Variants in EHD2 observed in about 807,000 individuals in gnomAD.
The protein encoded by EHD2 is EH domain-containing protein 2.
Under a neutral mutation model 41.0 loss-of-function variants are expected in EHD2, and 27 were observed. That is an observed-to-expected ratio of 0.66 (90% CI 0.49 to 0.91). The LOEUF (loss-of-function observed/expected upper bound fraction) is 0.91, where lower values mean the gene tolerates loss of function less well. Among genes scored for constraint, EHD2 ranks in the 40% least tolerant of loss-of-function variants. The pLI is 0.00. For missense variants in EHD2, 673 were observed against 773.9 expected (o/e 0.87, Z 1.55); for synonymous variants, 342 against 341.0 (o/e 1.00, Z -0.03).
At chr19:47,715,267 C>T (rs1044092322) in intron 1 of EHD2, among the ~76,000 whole-genome samples, 13 of 151,984 alleles carry the variant, frequency 8.6e-5, no homozygotes, top group Admixed American at 4.6e-4. Context: ...CCATTTCTCA[C>T]CCCTCCTCTT....
chr19:47,726,541 CTCCTCT>C (rs1445610910), intron 4 of EHD2, among the ~76,000 whole-genome samples: 3 of 121,816 alleles, frequency 2.5e-5, no homozygotes, highest in African/African-American at 5.4e-5. Context: ...TTTCCTCCTC[CTCCTCT>C]TCTTCTCCCT....
intron 3 of EHD2, 75 bp downstream of exon 3, chr19:47,718,681 A>T: frequency 9.6e-7 from 1 of 1,039,940 alleles, no homozygotes. Flanking sequence ...GGGAGGAGGG[A>T]CTGGGCCCGG....
intron 2 of EHD2, 102 bp downstream of exon 2, chr19:47,717,118 G>C: frequency 6.9e-7 from 1 of 1,456,656 alleles, no homozygotes; most frequent in South Asian, 1.3e-5. Context: ...TGCGATCTCA[G>C]CTCATGGCAA....
At chr19:47,729,765 C>T (rs977716963) in intron 4 of EHD2, 4 of 150,104 alleles carry the variant, frequency 2.7e-5, no homozygotes, top group African/African-American at 7.4e-5. Flanking sequence ...ACTCCTGGAA[C>T]CTTCGGAATT....
At position 47,741,424 on chromosome 19, in the gene EHD2, G is replaced by A. The variant is rs1343842744; in HGVS notation, c.1624G>A (p.Ala542Thr). 29 of 1,517,624 alleles carry A rather than the reference G, an allele frequency of 1.9e-5. No homozygotes were observed. The highest frequency in any genetic ancestry group is 2.2e-5 in the Non-Finnish European group (25 of 1,146,996). The allele number at this position is 1,517,624 out of a possible 1,614,324, so 94.0% of individuals were successfully genotyped here. A position where few individuals can be genotyped will look rare whatever the true frequency, so the allele number is the denominator to read the frequency against. ...CTCCAAGCGACGCCACAAGGGCTCC[G>A]CCGAGTGAGCCGGCCCCCCTCCCAT... ...PPSKRRHKGS[A>T]E The change falls in exon 6 of 6, where the codon GCC becomes ACC. Residue 542 changes from alanine (A) to threonine (T), a missense_variant. Transcript: ENST00000263277. The surrounding 1 kb of genome is among the most constrained non-coding windows in gnomAD (Gnocchi z 4.5).
intron 4 of EHD2, chr19:47,729,470 G>A (rs903539751): frequency 6.6e-6 from 1 of 152,492 alleles, no homozygotes; most frequent in Non-Finnish European, 1.5e-5. Context: ...CAGGCAAAAG[G>A]CTTGGAGGTT....
chr19:47,736,265 A>AGACC, intron 4 of EHD2, 104 bp from the exon 5 acceptor site: 1 of 1,088,682 alleles, frequency 9.2e-7, no homozygotes, highest in Non-Finnish European at 1.3e-6. Context: ...GCCCCAGCCC[A>AGACC]GACCAAGTAA....
intron 1 of EHD2, among the ~76,000 whole-genome samples, chr19:47,714,350 C>G (rs947962320): frequency 6.6e-6 from 1 of 152,142 alleles, no homozygotes; most frequent in Admixed American, 6.6e-5. Flanking sequence ...TATTTAGAGA[C>G]TCCCATCTCA....
At chr19:47,726,554 CCCT>C (rs372507374) in intron 4 of EHD2, among the ~76,000 whole-genome samples, 14,693 of 145,730 alleles carry the variant, frequency 0.1, 858 homozygotes, top group Non-Finnish European at 0.13. Flanking sequence ...CTCTTCTTCT[CCCT>C]CCTCCTCCTC....
At position 47,741,386 on chromosome 19, in the gene EHD2, G is replaced by T; in HGVS notation, c.1586G>T (p.Arg529Leu). ...GHGLPANLPRRLVPPSKRRHK... is the reference protein window; with the variant it reads ...GHGLPANLPRLLVPPSKRRHK... ...GGGCTGCCCGCCAACCTGCCCCGTC[G>T]CCTGGTGCCACCCTCCAAGCGACGC... Residue 529 changes from arginine to leucine, a missense_variant, in exon 6 of 6, where the codon CGC becomes CTC. Transcript: ENST00000263277. This position sits in a 1 kb window ranked among gnomAD's most constrained non-coding sequence, Gnocchi z 4.5. 2 of 1,600,424 alleles carry T rather than the reference G, an allele frequency of 1.2e-6. No homozygotes were observed. Among genetic ancestry groups the T allele is most frequent in the Non-Finnish European group, 8.5e-7 (1 of 1,177,892 alleles).
chr19:47,728,682 C>T (rs868028563), intron 4 of EHD2, among the ~76,000 whole-genome samples: 5 of 151,904 alleles, frequency 3.3e-5, no homozygotes, highest in Middle Eastern at 3.2e-3. Flanking sequence ...GATTCTCCTG[C>T]CTCAGCCTCC....
rs748421423 is a variant in EHD2, at chr19:47,741,376, C to T, written c.1576C>T (p.Leu526=). 62 of 1,604,192 alleles carry T rather than the reference C, an allele frequency of 3.9e-5. 1 individual carries two copies. The Admixed American group carries it at 1.0e-3, about 26-fold the overall frequency. ...GGAAGGCCACGGGCTGCCCGCCAAC[C>T]TGCCCCGTCGCCTGGTGCCACCCTC... ...KLEGHGLPAN[L]PRRLVPPSKR... The change falls in exon 6 of 6, where the codon CTG becomes TTG. Residue 526 remains leucine, a synonymous_variant. Transcript: ENST00000263277. This position sits in a 1 kb window ranked among gnomAD's most constrained non-coding sequence, Gnocchi z 4.5.
At chr19:47,731,755 G>T (rs1966879208) in intron 4 of EHD2, among the ~76,000 whole-genome samples, 1 of 146,884 alleles carries the variant, frequency 6.8e-6, no homozygotes. Flanking sequence ...CCCATAAGTA[G>T]TTTCTTGTGT....
intron 3 of EHD2, among the ~76,000 whole-genome samples, chr19:47,721,788 C>T (rs915274216): frequency 2.0e-5 from 3 of 151,878 alleles, no homozygotes; most frequent in Non-Finnish European, 2.9e-5. Context: ...AGTTCGAGAC[C>T]AGCCTGGGCA....
intron 2 of EHD2, 93 bp downstream of exon 2, chr19:47,717,109 G>A: frequency 6.7e-7 from 1 of 1,503,030 alleles, no homozygotes; most frequent in Non-Finnish European, 9.0e-7. Context: ...GTGCAGTGGT[G>A]CGATCTCAGC....
intron 3 of EHD2, among the ~76,000 whole-genome samples, chr19:47,722,258 A>C (rs576066477): frequency 6.6e-6 from 1 of 150,386 alleles, no homozygotes; most frequent in African/African-American, 2.4e-5. Context: ...CACTGACTCA[A>C]CCTCTCTCCC....
chr19:47,714,214 T>A (rs1250707455), intron 1 of EHD2, among the ~76,000 whole-genome samples: 1 of 152,152 alleles, frequency 6.6e-6, no homozygotes, highest in African/African-American at 2.4e-5. Context: ...TCTGTCCCTG[T>A]AACATGCCCT....
Position 47,741,193 on chromosome 19 carries a change from G to T in EHD2, c.1393G>T (p.Gly465Cys). 2 of 1,614,050 alleles carry T rather than the reference G, an allele frequency of 1.2e-6. No individual in the cohort carries two copies. Among genetic ancestry groups the T allele is most frequent in the Non-Finnish European group, 1.7e-6 (2 of 1,180,024 alleles). Residue 465 changes from glycine (G) to cysteine (C), a missense_variant, in exon 6 of 6, where the codon GGC becomes TGC. Transcript: ENST00000263277. The surrounding 1 kb of genome is among the most constrained non-coding windows in gnomAD (Gnocchi z 4.5). ...CTTCTACAACCTGGCGCCTGCCGACGGCAAGCTGAGCGGCTCCAAGGCCAA... is the reference window on the plus strand; with the variant it reads ...CTTCTACAACCTGGCGCCTGCCGACTGCAAGCTGAGCGGCTCCAAGGCCAA... ...EIFYNLAPAD[G>C]KLSGSKAKTW...
chr19:47,717,213 A>G (rs1195577429), intron 2 of EHD2, among the ~76,000 whole-genome samples, 197 bp downstream of exon 2: 1 of 151,890 alleles, frequency 6.6e-6, no homozygotes, highest in Non-Finnish European at 1.5e-5. Context: ...ACGCCAAGCG[A>G]GTTTTTGTAT....
Sources: gnomAD v4.1 joint callset for allele counts (sites outside exome capture counted in the v4.1 genomes callset) on GRCh38, gnomAD v4.1.1 for gene constraint, Gnocchi (gnomAD v3.1) non-coding constraint, MANE v1.5 for transcripts, NCBI Gene and HGNC (gene_info 2026-07-23, HGNC 2026-07-21) for gene names.